The following PRDM9 variants were observed in gnomAD, a reference collection of about 807,000 sequenced individuals.
PRDM9 encodes PR/SET domain 9.
Under a neutral mutation model 55.6 loss-of-function variants are expected in PRDM9, and 47 were observed. That is an observed-to-expected ratio of 0.85 (90% CI 0.67 to 1.08). The LOEUF (loss-of-function observed/expected upper bound fraction) is 1.08, where lower values mean the gene tolerates loss of function less well. PRDM9 is among the 50% of genes least tolerant of loss of function. The pLI, the probability that PRDM9 is intolerant of heterozygous loss-of-function variation, is 0.00. For synonymous variants in PRDM9, 312 were observed against 375.7 expected, an observed-to-expected ratio of 0.83 and a Z score of 1.96; for missense variants, 867 against 1,040.3, an observed-to-expected ratio of 0.83 and a Z score of 2.29.
intron 5 of PRDM9, among the ~76,000 whole-genome samples, chr5:23,519,976 G>A (rs577818278): frequency 2.4e-3 from 362 of 151,572 alleles, no homozygotes; most frequent in Admixed American, 5.3e-3. Flanking sequence ...CCCGGGAGGT[G>A]AAGGCTGCAG....
intron 4 of PRDM9, among the ~76,000 whole-genome samples, chr5:23,511,015 G>A (rs1035164846): frequency 1.6e-4 from 25 of 151,668 alleles, no homozygotes; most frequent in Non-Finnish European, 3.2e-4. Flanking sequence ...AATTAGCCGG[G>A]TGTGGTGGTG....
chr5:23,520,679 T>C (rs1739311332), intron 5 of PRDM9, among the ~76,000 whole-genome samples: 1 of 152,140 alleles, frequency 6.6e-6, no homozygotes, highest in Admixed American at 6.5e-5. Flanking sequence ...ATCAAAAGTC[T>C]ACTAGTTTAT....
chr5:23,510,008 A>T lies in PRDM9; in HGVS notation c.282A>T (p.Glu94Asp), dbSNP rs767590579. The T allele has an allele frequency of 1.2e-6, 2 of 1,612,378 alleles. No individual in the cohort carries two copies. Among genetic ancestry groups the T allele is most frequent in the Admixed American group, 3.3e-5 (2 of 59,970 alleles). ...ATGACACAGAAGATTCTGATGAAGA[A>T]TGGACCCCTAGGCAGCAAGGTAAGA... The part of the protein sequence containing the change: ...QVDDTEDSDE[E>D]WTPRQQVKPP... Residue 94 changes from glutamate (E) to aspartate (D), a missense_variant, in exon 4 of 11, where the codon GAA becomes GAT. This residue lies in a region of PRDM9 where 662 missense variants were observed against 711.9 expected (regional missense o/e 0.93). Coordinates refer to ENST00000296682, the MANE Select transcript of PRDM9 (RefSeq NM_020227.4).
chr5:23,522,419 T>C lies in PRDM9; in HGVS notation c.610+14T>C, dbSNP rs1739345439. 15 of 1,607,306 alleles carry C rather than the reference T, an allele frequency of 9.3e-6. No individual in the cohort carries two copies. The highest frequency in any genetic ancestry group is 1.7e-5 in the Admixed American group (1 of 60,000). On this transcript the variant is annotated intron_variant, in intron 7 of 10. Coordinates refer to ENST00000296682, the MANE Select transcript of PRDM9 (RefSeq NM_020227.4). ...ATGATTACCTCTGTAAGTGACACTT[T>C]TGGCCACTCACACAGCTTGCTGTTA...
Position 23,517,251 on chromosome 5 carries a change from C to T in PRDM9, c.302-630C>T, listed in dbSNP as rs189088831. ...TTCCTAGTTTGTTCAGTGTGTTTGT[C>T]GTGAAAGGTCAATTTACATTTTAAA... is the stretch of plus-strand genomic sequence containing the variant. On this transcript the variant is annotated intron_variant, in intron 4 of 10. Transcript: ENST00000296682. Among the ~76,000 whole-genome samples the T allele has an allele frequency of 3.1e-4, 46 of 148,936 alleles. 1 individual carries two copies. The highest frequency in any genetic ancestry group is 1.2e-3 in the Admixed American group (18 of 14,936).
At chr5:23,512,857 G>A (rs1739127567) in intron 4 of PRDM9, among the ~76,000 whole-genome samples, 1 of 152,038 alleles carries the variant, frequency 6.6e-6, no homozygotes. Context: ...TCATATACAT[G>A]GAATCAGCCA....
rs753911974 is a variant in PRDM9 at position 23,526,246 on chromosome 5, G to T, written c.1158G>T (p.Glu386Asp). The T allele has an allele frequency of 1.2e-6, 2 of 1,614,054 alleles. No homozygotes were observed. Among genetic ancestry groups the T allele is most frequent in the East Asian group, 4.5e-5 (2 of 44,894 alleles). ...TTCCTCTTTCAGAACCAAAGCCAGA[G>T]ATCCATCCATGTCCCTCATGCTGTC... Reference protein sequence around the residue: ...ELMAGREPKPEIHPCPSCCLA... With the variant: ...ELMAGREPKPDIHPCPSCCLA... Residue 386 changes from glutamate (E) to aspartate (D), a missense_variant, in exon 11 of 11, where the codon GAG becomes GAT. Around this residue, in one of 5 missense-constraint regions of PRDM9, gnomAD observed 662 missense variants for 711.9 expected, o/e 0.93. Transcript: ENST00000296682.
At chr5:23,518,037 C>T (rs1447932869) in intron 5 of PRDM9, 107 bp downstream of exon 5, 5 of 1,043,996 alleles carry the variant, frequency 4.8e-6, no homozygotes, top group East Asian at 2.4e-5. Flanking sequence ...GCCTTCTTTT[C>T]CTGATCTCTT....
chr5:23,522,747 T>A lies in PRDM9; in HGVS notation c.744T>A (p.Ile248=). 6.2e-7 allele frequency: 1 copy of A among 1,614,200 alleles called. No individual in the cohort carries two copies. Among genetic ancestry groups the A allele is most frequent in the Non-Finnish European group, 8.5e-7 (1 of 1,180,040 alleles). The change falls in exon 8 of 11, where the codon ATT becomes ATA. Residue 248 remains isoleucine (I), a synonymous_variant. Coordinates refer to ENST00000296682, the MANE Select transcript of PRDM9 (RefSeq NM_020227.4). ...SALSLPPGLR[I]GPSGIPQAGL... is the part of the protein sequence containing the mutation. ...TCAGTCTGCCCCCAGGGCTGAGAAT[T>A]GGGCCATCAGGCATCCCTCAGGCTG...
chr5:23,514,852 C>G (rs1032280521), intron 4 of PRDM9, among the ~76,000 whole-genome samples: 2 of 152,060 alleles, frequency 1.3e-5, no homozygotes, highest in African/African-American at 4.8e-5. Context: ...ATTAAATATG[C>G]TTCAGCATAT....
chr5:23,509,077 CAG>C lies in PRDM9; in HGVS notation c.50_51del (p.Arg17AsnfsTer35), dbSNP rs1561016036. 3 of 1,614,084 alleles carry C rather than the reference CAG, an allele frequency of 1.9e-6. No homozygotes were observed. Among genetic ancestry groups the C allele is most frequent in the Non-Finnish European group, 2.5e-6 (3 of 1,179,986 alleles). On this transcript the variant is annotated frameshift_variant, in exon 2 of 11. Transcript: ENST00000296682. LOFTEE classifies it high-confidence loss of function. Reference sequence around the variant, plus strand: ...CAAGAGGAGAGCCCAGAAGAAGACACAGAGAGAACAGAGCGGAAGCCCATGGT... The same window carrying C: ...CAAGAGGAGAGCCCAGAAGAAGACACAGAGAACAGAGCGGAAGCCCATGGT...
In PRDM9 at chr5:23,527,976, T is replaced by G; in HGVS notation, c.*203T>G. 1 of 726,830 alleles carries G rather than the reference T, an allele frequency of 1.4e-6. No homozygotes were observed. The highest frequency in any genetic ancestry group is 2.4e-5 in the Admixed American group (1 of 40,994). 45.0% of individuals were successfully genotyped at this position (726,830 alleles called of 1,614,324 possible). ...GAGATGAGGAAGAACAAGGGATAGTTCTGTAAGTGTTCGGGGGACATCAGC... is the reference window on the plus strand; with the variant it reads ...GAGATGAGGAAGAACAAGGGATAGTGCTGTAAGTGTTCGGGGGACATCAGC... On this transcript the variant is annotated 3_prime_UTR_variant, in exon 11 of 11. Coordinates refer to ENST00000296682, the MANE Select transcript of PRDM9 (RefSeq NM_020227.4).
chr5:23,523,434 T>C, intron 9 of PRDM9, 76 bp downstream of exon 9: 1 of 1,449,570 alleles, frequency 6.9e-7, no homozygotes, highest in South Asian at 1.1e-5. Flanking sequence ...CTTATCATTA[T>C]GCCTCCCTCA....
At chr5:23,511,282 T>C (rs1389818552) in intron 4 of PRDM9, among the ~76,000 whole-genome samples, 2 of 152,148 alleles carry the variant, frequency 1.3e-5, no homozygotes, top group Non-Finnish European at 2.9e-5. Context: ...ACAAGCAAAA[T>C]GCAAGACAGT....
intron 4 of PRDM9, among the ~76,000 whole-genome samples, chr5:23,513,450 TTCTC>T (rs543139466): frequency 1.3e-3 from 201 of 152,230 alleles, no homozygotes; most frequent in African/African-American, 4.7e-3. Flanking sequence ...TTCCCTGTCT[TTCTC>T]TCTGTCTCAC....
chr5:23,509,560 G>A lies in PRDM9; in HGVS notation c.160G>A (p.Val54Met), dbSNP rs536358779. 1.9e-6 allele frequency: 3 copies of A among 1,614,172 alleles called. No individual in the cohort carries two copies. The East Asian group carries it at 6.7e-5, about 36-fold the overall frequency. The change falls in exon 3 of 11, where the codon GTG (valine) becomes ATG (methionine). Residue 54 changes from valine to methionine, a missense_variant. Val to Met is a conservative substitution (Grantham distance 21). Coordinates refer to ENST00000296682, the MANE Select transcript of PRDM9 (RefSeq NM_020227.4). ...GDWEKTRYRNVKRNYNALITI... is the reference protein window; with the variant it reads ...GDWEKTRYRNMKRNYNALITI... ...CTGGGAGAAAACTCGCTATAGGAATGTGAAAAGGAACTATAATGCACTGAT... is the reference window on the plus strand; with the variant it reads ...CTGGGAGAAAACTCGCTATAGGAATATGAAAAGGAACTATAATGCACTGAT...
chr5:23,513,099 T>A (rs1463071715), intron 4 of PRDM9, among the ~76,000 whole-genome samples: 2 of 152,196 alleles, frequency 1.3e-5, no homozygotes, highest in Non-Finnish European at 2.9e-5. Context: ...TGTGCAAATA[T>A]CTCTTTGAGA....
rs559523990 is a variant in PRDM9, at chr5:23,526,843, T to G, written c.1755T>G (p.Cys585Trp). ...AGAAGCCCTATGTCTGCAGGGAGTG[T>G]GGGCGGGGCTTTAGCTGGCAGTCAG... is the stretch of plus-strand genomic sequence containing the variant. Reference protein sequence around the residue: ...TGEKPYVCRECGRGFSWQSVL... With the variant: ...TGEKPYVCREWGRGFSWQSVL... Residue 585 changes from cysteine to tryptophan, a missense_variant, in exon 11 of 11, where the codon TGT (cysteine) becomes TGG (tryptophan). Cys to Trp is a radical substitution (Grantham distance 215). This residue lies in a region of PRDM9 where 662 missense variants were observed against 711.9 expected (regional missense o/e 0.93). Coordinates refer to ENST00000296682, the MANE Select transcript of PRDM9 (RefSeq NM_020227.4). 4 of 1,602,576 alleles carry G rather than the reference T, an allele frequency of 2.5e-6. No individual in the cohort carries two copies. The highest frequency in any genetic ancestry group is 3.4e-6 in the Non-Finnish European group (4 of 1,176,244).
Position 23,522,363 on chromosome 5 carries a change from G to T in PRDM9, c.568G>T (p.Ala190Ser). Residue 190 changes from alanine (A) to serine (S), a missense_variant, in exon 7 of 11, where the codon GCA (alanine) becomes TCA (serine). Transcript: ENST00000296682. Reference sequence around the variant, plus strand: ...TAGCCTGCGAGAAAGAAAGGGTCATGCATACAAAGAGGTCAGCGAGCCGCA... The same window carrying T: ...TAGCCTGCGAGAAAGAAAGGGTCATTCATACAAAGAGGTCAGCGAGCCGCA... ...MYSLRERKGH[A>S]YKEVSEPQDD... is the part of the protein sequence containing the mutation. The T allele has an allele frequency of 6.2e-7, 1 of 1,614,144 alleles. No homozygotes were observed. Among genetic ancestry groups the T allele is most frequent in the African/African-American group, 1.3e-5 (1 of 75,038 alleles).
Sources: allele counts gnomAD v4.1 joint callset (sites outside exome capture counted in the v4.1 genomes callset), GRCh38; gene constraint gnomAD v4.1.1; regional missense constraint gnomAD v4.1.1; transcripts MANE v1.5; gene names NCBI Gene and HGNC (gene_info 2026-07-23, HGNC 2026-07-21).